The following ASXL3 variants were observed in gnomAD, a reference collection of about 807,000 sequenced individuals.
ASXL3 encodes ASXL transcriptional regulator 3.
In ASXL3, 34 loss-of-function variants were observed where a neutral mutation model predicts 170.6. That is an observed-to-expected ratio of 0.20 (90% CI 0.15 to 0.27). ASXL3 has a LOEUF of 0.27. Ranked by LOEUF, ASXL3 falls within the 10% of genes least tolerant of loss-of-function variation. The pLI is 1.00. For missense variants in ASXL3, 2,592 were observed against 2,695.3 expected, an observed-to-expected ratio of 0.96 and a Z score of 0.85; for synonymous variants, 1,002 against 989.1, an observed-to-expected ratio of 1.01 and a Z score of -0.24.
chr18:33,633,667 C>G (rs550380503), intron 2 of ASXL3, among the ~76,000 whole-genome samples: 39 of 151,776 alleles, frequency 2.6e-4, no homozygotes, highest in African/African-American at 9.2e-4. Context: ...CATGGCAAAA[C>G]CCTGTCTCTA....
intron 8 of ASXL3, among the ~76,000 whole-genome samples, chr18:33,722,244 T>A (rs566745898): frequency 6.6e-6 from 1 of 152,174 alleles, no homozygotes; most frequent in South Asian, 2.1e-4. Context: ...CACTTTTCAA[T>A]CAAAAACTAG....
chr18:33,728,030 G>A (rs1214693794), intron 8 of ASXL3, among the ~76,000 whole-genome samples: 1 of 152,070 alleles, frequency 6.6e-6, no homozygotes, highest in Non-Finnish European at 1.5e-5. Context: ...GAGCTAATCT[G>A]GATCTGGTAT....
chr18:33,668,098 T>C (rs1197762208), intron 5 of ASXL3, among the ~76,000 whole-genome samples: 1 of 152,182 alleles, frequency 6.6e-6, no homozygotes, highest in Non-Finnish European at 1.5e-5. Flanking sequence ...AATCTTTCTC[T>C]ACAACTCCTT....
intron 9 of ASXL3, among the ~76,000 whole-genome samples, chr18:33,732,979 A>G (rs2067477317): frequency 6.6e-6 from 1 of 152,106 alleles, no homozygotes; most frequent in Non-Finnish European, 1.5e-5. Context: ...ACTTGAAACC[A>G]TCTACGTTAG....
At chr18:33,628,905 C>G (rs559610606) in intron 2 of ASXL3, among the ~76,000 whole-genome samples, 2 of 152,214 alleles carry the variant, frequency 1.3e-5, no homozygotes, top group African/African-American at 2.4e-5. Context: ...TGAATTCATA[C>G]TAGCAGTTTT....
intron 8 of ASXL3, among the ~76,000 whole-genome samples, chr18:33,687,071 G>A (rs2066608640): frequency 2.0e-5 from 3 of 152,136 alleles, no homozygotes; most frequent in Admixed American, 2.0e-4. Flanking sequence ...AGGAATAAAT[G>A]ACAGCTATGA....
intron 8 of ASXL3, among the ~76,000 whole-genome samples, chr18:33,730,291 C>G (rs926448393): frequency 6.6e-6 from 1 of 152,112 alleles, no homozygotes; most frequent in East Asian, 1.9e-4. Context: ...TCTTGAGAAA[C>G]CCTGCTCTAA....
chr18:33,744,577 C>T lies in ASXL3; in HGVS notation c.4729C>T (p.His1577Tyr), dbSNP rs574575278. 1.2e-6 allele frequency: 2 copies of T among 1,611,234 alleles called. No homozygotes were observed. Among genetic ancestry groups the T allele is most frequent in the Admixed American group, 3.4e-5 (2 of 59,666 alleles). The change falls in exon 12 of 12, where the codon CAT (histidine) becomes TAT (tyrosine). Residue 1577 changes from histidine to tyrosine, a missense_variant. By Grantham distance (83) the His-to-Tyr change is moderately conservative. Coordinates refer to ENST00000269197, the MANE Select transcript of ASXL3 (RefSeq NM_030632.3). ...ATTAAATGAGCCGACTGCTCCCAGT[C>T]ATAACTTTGCTGAGCAGGCACGTGG... ...DKLNEPTAPS[H>Y]NFAEQARGPA...
At chr18:33,731,015 GTC>G (rs1332349207) in intron 8 of ASXL3, among the ~76,000 whole-genome samples, 2 of 152,096 alleles carry the variant, frequency 1.3e-5, no homozygotes, top group Non-Finnish European at 2.9e-5. Flanking sequence ...TGTTCTCAGT[GTC>G]TCTCTTTGCT....
In ASXL3 at chr18:33,669,630, T is replaced by C. The variant is rs563273865; in HGVS notation, c.478-1043T>C. On this transcript the variant is annotated intron_variant, in intron 5 of 11. Coordinates refer to ENST00000269197, the MANE Select transcript of ASXL3 (RefSeq NM_030632.3). The stretch of plus-strand genomic sequence containing the variant: ...CAAATAAAAGGACATCGTTTTTTGA[T>C]AGCAAGGGGAAATACAGTCAAGGCA... Among the ~76,000 whole-genome samples, 16 of 152,312 alleles carry C rather than the reference T, an allele frequency of 1.1e-4. No homozygotes were observed. The East Asian group carries it at 3.1e-3, about 29-fold the overall frequency.
chr18:33,585,974 G>A (rs1411073950), intron 1 of ASXL3, among the ~76,000 whole-genome samples: 1 of 151,796 alleles, frequency 6.6e-6, no homozygotes, highest in Non-Finnish European at 1.5e-5. Context: ...TTATGCATCT[G>A]TTGATTTAAA....
chr18:33,663,095 G>C (rs542483550), intron 5 of ASXL3, among the ~76,000 whole-genome samples: 2 of 152,288 alleles, frequency 1.3e-5, no homozygotes, highest in African/African-American at 4.8e-5. Context: ...AAATGTTTTA[G>C]ATGCCAGAGA....
chr18:33,582,706 CTG>C (rs34434614), intron 1 of ASXL3, among the ~76,000 whole-genome samples: 25,166 of 135,612 alleles, frequency 0.19, 2,385 homozygotes, highest in South Asian at 0.3. Context: ...TGGTTTTTTT[CTG>C]TGTGTGTGTG....
intron 2 of ASXL3, among the ~76,000 whole-genome samples, chr18:33,624,998 C>G (rs1044017107): frequency 6.6e-6 from 1 of 152,254 alleles, no homozygotes; most frequent in East Asian, 1.9e-4. Flanking sequence ...ATTGCACATA[C>G]ATACACTAAT....
intron 8 of ASXL3, among the ~76,000 whole-genome samples, chr18:33,697,212 A>G (rs1478839252): frequency 1.3e-5 from 2 of 152,158 alleles, no homozygotes; most frequent in South Asian, 2.1e-4. Context: ...AACAGTATCT[A>G]TTAATAAAGT....
intron 4 of ASXL3, among the ~76,000 whole-genome samples, chr18:33,654,759 C>A (rs1248087911): frequency 6.6e-6 from 1 of 151,950 alleles, no homozygotes; most frequent in Admixed American, 6.6e-5. Context: ...CTCTCCATTA[C>A]CCTGTGAGCG....
Position 33,739,223 on chromosome 18 carries a change from T to G in ASXL3, c.1819T>G (p.Cys607Gly), listed in dbSNP as rs751085501. ...TGAAGAACAGCTTTCAGAAAATGCC[T>G]GCATCTCTGAAACGTCCTTTTCTTC... The part of the protein sequence containing the change: ...DPEEQLSENA[C>G]ISETSFSSES... Residue 607 changes from cysteine (C) to glycine (G), a missense_variant, in exon 11 of 12, where the codon TGC becomes GGC. Physicochemically the swap from Cys to Gly is radical, Grantham distance 159. Around this residue, in one of 4 missense-constraint regions of ASXL3, gnomAD observed 2,246 missense variants for 2,219.6 expected, o/e 1.01. Coordinates refer to ENST00000269197, the MANE Select transcript of ASXL3 (RefSeq NM_030632.3). 4 of 1,613,718 alleles carry G rather than the reference T, an allele frequency of 2.5e-6. No homozygotes were observed. The African/African-American group carries it at 5.3e-5, about 22-fold the overall frequency.
chr18:33,645,583 A>G (rs2065904361), intron 3 of ASXL3, among the ~76,000 whole-genome samples: 1 of 151,974 alleles, frequency 6.6e-6, no homozygotes, highest in African/African-American at 2.4e-5. Context: ...ATTTTTATCT[A>G]GGGGAAATGC....
chr18:33,580,947 A>T (rs1056674464), intron 1 of ASXL3, among the ~76,000 whole-genome samples: 9 of 152,184 alleles, frequency 5.9e-5, no homozygotes, highest in Admixed American at 5.9e-4. Context: ...CTGGAAATAT[A>T]ATTTTCAGAA....
Sources: gnomAD v4.1 joint callset for allele counts (sites outside exome capture counted in the v4.1 genomes callset) on GRCh38, gnomAD v4.1.1 for gene constraint, gnomAD v4.1.1 regional missense constraint, MANE v1.5 for transcripts, NCBI Gene and HGNC (gene_info 2026-07-23, HGNC 2026-07-21) for gene names.